RABGAP1L: variants seen among roughly 807,000 people sequenced by gnomAD.
The protein encoded by RABGAP1L is RAB GTPase activating protein 1 like.
A neutral mutation model predicts 137.7 loss-of-function variants in RABGAP1L; 63 were observed. The ratio of observed to expected loss-of-function variants is 0.46; its 90% CI spans 0.37 to 0.56. RABGAP1L has a LOEUF of 0.56. RABGAP1L is among the 20% of genes least tolerant of loss of function. The pLI is 0.00. For synonymous variants in RABGAP1L, 431 were observed against 433.7 expected, an observed-to-expected ratio of 0.99 and a Z score of 0.08; for missense variants, 1,095 against 1,244.0, an observed-to-expected ratio of 0.88 and a Z score of 1.80.
chr1:174,870,002 G>A (rs1249080858), intron 19 of RABGAP1L, among the ~76,000 whole-genome samples: 1 of 152,152 alleles, frequency 6.6e-6, no homozygotes, highest in Admixed American at 6.5e-5. Flanking sequence ...AGCCCAAACA[G>A]ACTAAGACAG....
intron 13 of RABGAP1L, among the ~76,000 whole-genome samples, chr1:174,395,616 T>G (rs537182054): frequency 1.3e-5 from 2 of 152,262 alleles, no homozygotes; most frequent in South Asian, 4.1e-4. Context: ...TGTTTAAAAC[T>G]TATACAAGTA....
intron 13 of RABGAP1L, among the ~76,000 whole-genome samples, chr1:174,469,652 A>G (rs185140854): frequency 1.2e-4 from 19 of 152,262 alleles, no homozygotes; most frequent in Non-Finnish European, 2.6e-4. Flanking sequence ...CCCTCACTAT[A>G]AGCTCTCTGC....
At chr1:174,666,024 T>G (rs1676762591) in intron 14 of RABGAP1L, among the ~76,000 whole-genome samples, 1 of 152,244 alleles carries the variant, frequency 6.6e-6, no homozygotes. Context: ...GTATCATGAT[T>G]TTTGTCACTC....
At chr1:174,518,393 C>G (rs1171848575) in intron 13 of RABGAP1L, among the ~76,000 whole-genome samples, 1 of 152,182 alleles carries the variant, frequency 6.6e-6, no homozygotes, top group Non-Finnish European at 1.5e-5. Context: ...CACACATCCT[C>G]CTGTATACTT....
intron 19 of RABGAP1L, among the ~76,000 whole-genome samples, chr1:174,841,855 ACTTT>A (rs1693443402): frequency 1.3e-5 from 2 of 150,730 alleles, no homozygotes; most frequent in African/African-American, 2.4e-5. Context: ...GCACAGAATA[ACTTT>A]CTTTTTTTTT....
At position 174,278,712 on chromosome 1, in the gene RABGAP1L, C is replaced by A; in HGVS notation, c.1256C>A (p.Ala419Glu). ...LLETVVRVYPANERFWYFSRK... is the reference protein window; with the variant it reads ...LLETVVRVYPENERFWYFSRK... ...GAGACAGTAGTCCGTGTGTACCCTGCAAATGAGCGATTTTGGTATTTCAGC... is the reference window on the plus strand; with the variant it reads ...GAGACAGTAGTCCGTGTGTACCCTGAAAATGAGCGATTTTGGTATTTCAGC... The change falls in exon 10 of 26, where the codon GCA (alanine) becomes GAA (glutamate). Residue 419 changes from alanine (A) to glutamate (E), a missense_variant. Ala to Glu is a moderately radical substitution (Grantham distance 107). This residue lies in a region of RABGAP1L where 315 missense variants were observed against 324.8 expected (regional missense o/e 0.97). Coordinates refer to ENST00000681986, the MANE Select transcript of RABGAP1L (RefSeq NM_001366446.1). 6.3e-7 allele frequency: 1 copy of A among 1,591,470 alleles called. No homozygotes were observed. The highest frequency in any genetic ancestry group is 8.5e-7 in the Non-Finnish European group (1 of 1,173,362).
chr1:174,702,546 T>A (rs2148525533), intron 17 of RABGAP1L, among the ~76,000 whole-genome samples: 1 of 152,336 alleles, frequency 6.6e-6, no homozygotes. Flanking sequence ...TTTACCAGTA[T>A]AAAATGCCTT....
intron 7 of RABGAP1L, among the ~76,000 whole-genome samples, chr1:174,255,584 G>T (rs1458060946): frequency 6.6e-6 from 1 of 152,176 alleles, no homozygotes. Flanking sequence ...GAGTGCCATG[G>T]CCTGATCTTG....
chr1:174,673,218 C>T (rs1473133227), intron 14 of RABGAP1L, among the ~76,000 whole-genome samples: 2 of 152,042 alleles, frequency 1.3e-5, no homozygotes, highest in Non-Finnish European at 2.9e-5. Flanking sequence ...ATTGATCTTT[C>T]AAGATTAGGC....
At chr1:174,464,093 A>G (rs1250592559) in intron 13 of RABGAP1L, among the ~76,000 whole-genome samples, 1 of 152,170 alleles carries the variant, frequency 6.6e-6, no homozygotes, top group Non-Finnish European at 1.5e-5. Context: ...ACTACACTTA[A>G]AATATGGAAA....
At chr1:174,400,629 A>G (rs17373189) in intron 13 of RABGAP1L, among the ~76,000 whole-genome samples, 17,899 of 152,142 alleles carry the variant, frequency 0.12, 1,388 homozygotes, top group South Asian at 0.17. Context: ...TAGGAAACCT[A>G]TTCATCTTGT....
chr1:174,522,297 T>A (rs1663474588), intron 13 of RABGAP1L, among the ~76,000 whole-genome samples: 2 of 151,900 alleles, frequency 1.3e-5, no homozygotes, highest in Non-Finnish European at 2.9e-5. Flanking sequence ...AATACTTGAG[T>A]CCAGACACAG....
intron 18 of RABGAP1L, among the ~76,000 whole-genome samples, chr1:174,785,583 T>C (rs1687391758): frequency 6.6e-6 from 1 of 152,230 alleles, no homozygotes; most frequent in South Asian, 2.1e-4. Flanking sequence ...TGTTGGAAAA[T>C]AATGCGTTCT....
intron 13 of RABGAP1L, among the ~76,000 whole-genome samples, chr1:174,516,322 A>G (rs1216193624): frequency 6.6e-6 from 1 of 152,092 alleles, no homozygotes; most frequent in East Asian, 1.9e-4. Flanking sequence ...ACATCTATAC[A>G]TGTAATTTCC....
intron 21 of RABGAP1L, 148 bp from the exon 22 acceptor site, chr1:174,975,930 C>T (rs1670607545): frequency 4.6e-6 from 3 of 646,754 alleles, no homozygotes; most frequent in Non-Finnish European, 8.1e-6. Flanking sequence ...TGAAAGCAGC[C>T]ATCGCTTGGT....
intron 13 of RABGAP1L, among the ~76,000 whole-genome samples, chr1:174,632,237 C>G (rs1673460310): frequency 7.0e-6 from 1 of 143,356 alleles, no homozygotes; most frequent in Non-Finnish European, 1.5e-5. Context: ...TCTCTTCTGG[C>G]TTGTAGGGTT....
intron 13 of RABGAP1L, among the ~76,000 whole-genome samples, chr1:174,554,032 A>C (rs933568817): frequency 6.6e-6 from 1 of 152,154 alleles, no homozygotes; most frequent in Non-Finnish European, 1.5e-5. Flanking sequence ...ATTACAATCA[A>C]TATTCCTCCT....
intron 1 of RABGAP1L, among the ~76,000 whole-genome samples, chr1:174,216,783 AT>A (rs1400221611): frequency 3.0e-4 from 46 of 152,284 alleles, no homozygotes; most frequent in African/African-American, 1.0e-3. Flanking sequence ...TTAAGGAATT[AT>A]AATGAGAAAG....
chr1:174,418,742 A>G (rs552104524), intron 13 of RABGAP1L, among the ~76,000 whole-genome samples: 66 of 152,292 alleles, frequency 4.3e-4, no homozygotes, highest in African/African-American at 1.5e-3. Context: ...TGTAGTGTCT[A>G]AATTTTAGAA....
Sources: allele counts gnomAD v4.1 joint callset (sites outside exome capture counted in the v4.1 genomes callset), GRCh38; gene constraint gnomAD v4.1.1; regional missense constraint gnomAD v4.1.1; transcripts MANE v1.5; gene names NCBI Gene and HGNC (gene_info 2026-07-23, HGNC 2026-07-21).